Variants in MTFR1 observed in about 807,000 individuals in gnomAD.
MTFR1 encodes the protein mitochondrial fission regulator 1.
MTFR1 carries 28 observed loss-of-function variants against 38.8 expected under a neutral mutation model. The observed-to-expected ratio is 0.72, with a 90% CI of 0.53 to 0.99. The LOEUF is 0.99. Among genes scored for constraint, MTFR1 ranks in the 50% least tolerant of loss-of-function variants. The pLI is 0.00. For synonymous variants in MTFR1, 145 were observed against 137.0 expected, an observed-to-expected ratio of 1.06 and a Z score of -0.41; for missense variants, 358 against 395.5, an observed-to-expected ratio of 0.91 and a Z score of 0.81.
chr8:65,775,026 T>C (rs951735707), downstream of MTFR1, among the ~76,000 whole-genome samples: 1 of 152,250 alleles, frequency 6.6e-6, no homozygotes, highest in East Asian at 1.9e-4. Flanking sequence ...TCAGTTCTGA[T>C]AAACTGTAAT....
chr8:65,712,499 G>A (rs1383802381), downstream of MTFR1, among the ~76,000 whole-genome samples: 1 of 152,230 alleles, frequency 6.6e-6, no homozygotes, highest in Non-Finnish European at 1.5e-5. Flanking sequence ...TTGTATCCAT[G>A]TGTTTATATA....
intron 3 of MTFR1, among the ~76,000 whole-genome samples, chr8:65,748,229 G>A (rs181987541): frequency 9.2e-5 from 14 of 152,148 alleles, no homozygotes; most frequent in Admixed American, 9.2e-4. Flanking sequence ...AGTTACATAT[G>A]AGATTTTAAC....
chr8:65,697,617 A>G (rs529383369), intron 4 of MTFR1, among the ~76,000 whole-genome samples: 1 of 152,342 alleles, frequency 6.6e-6, no homozygotes, highest in South Asian at 2.1e-4. Context: ...GTGACTGACT[A>G]TAAGTTTTCA....
rs1805738279 is a variant in MTFR1 at position 65,704,946 on chromosome 8, T to C, written c.517+17T>C. ...TCACTGCAGGTCTGTAAGTCCTACA[T>C]TTGTTAGTTTTAACTTGCAAACTAG... On this transcript the variant is annotated intron_variant, in intron 5 of 7. Transcript: ENST00000262146. 1.3e-6 allele frequency: 2 copies of C among 1,548,640 alleles called. No individual in the cohort carries two copies. The highest frequency in any genetic ancestry group is 3.3e-4 in the Middle Eastern group (2 of 5,980).
chr8:65,658,097 CTTCTTA>C (rs1217592064), intron 1 of MTFR1, among the ~76,000 whole-genome samples: 1 of 146,502 alleles, frequency 6.8e-6, no homozygotes, highest in Admixed American at 6.8e-5. Context: ...TTCTATTAAT[CTTCTTA>C]TTTTCCCCAA....
At chr8:65,661,047 A>G (rs994370196) in intron 1 of MTFR1, among the ~76,000 whole-genome samples, 1 of 152,248 alleles carries the variant, frequency 6.6e-6, no homozygotes, top group Non-Finnish European at 1.5e-5. Context: ...AAAGGATCAG[A>G]GATGCCAGGG....
chr8:65,773,501 C>T (rs1387320141), downstream of MTFR1, among the ~76,000 whole-genome samples: 1 of 152,218 alleles, frequency 6.6e-6, no homozygotes, highest in Non-Finnish European at 1.5e-5. Context: ...GCTTCCACAT[C>T]ACTGGATCAG....
intron 3 of MTFR1, among the ~76,000 whole-genome samples, chr8:65,769,857 T>C (rs1027916883): frequency 2.0e-5 from 3 of 151,960 alleles, no homozygotes; most frequent in South Asian, 2.1e-4. Flanking sequence ...GATTGTGCCA[T>C]TGCACTCCAG....
intron 1 of MTFR1, among the ~76,000 whole-genome samples, chr8:65,649,468 G>A (rs1358140668): frequency 4.6e-5 from 7 of 152,100 alleles, no homozygotes; most frequent in Admixed American, 3.3e-4. Flanking sequence ...ACAGGTGTGA[G>A]CCACCGCGCC....
chr8:65,678,850 A>C (rs1343120239), intron 2 of MTFR1, among the ~76,000 whole-genome samples: 2 of 152,076 alleles, frequency 1.3e-5, no homozygotes, highest in Non-Finnish European at 2.9e-5. Context: ...GCACCACTGC[A>C]CTCCAGCCTG....
chr8:65,680,323 T>A (rs80101118), intron 2 of MTFR1, among the ~76,000 whole-genome samples: 6,164 of 152,120 alleles, frequency 0.041, 429 homozygotes, highest in African/African-American at 0.14. Flanking sequence ...TCACCACCCC[T>A]GGCTAAGTTT....
intron 1 of MTFR1, among the ~76,000 whole-genome samples, chr8:65,661,432 T>C (rs1809410936): frequency 6.6e-6 from 1 of 151,690 alleles, no homozygotes; most frequent in Non-Finnish European, 1.5e-5. Flanking sequence ...AGGCCAGGAG[T>C]TCCTGACCAG....
intron 3 of MTFR1, among the ~76,000 whole-genome samples, chr8:65,730,684 TTGCAGG>T (rs1356021197): frequency 1.3e-5 from 2 of 152,018 alleles, no homozygotes; most frequent in Non-Finnish European, 2.9e-5. Flanking sequence ...TTCCAGCACT[TTGCAGG>T]GCCAAGGCAG....
chr8:65,654,081 AAG>A, intron 1 of MTFR1, among the ~76,000 whole-genome samples: 1 of 151,650 alleles, frequency 6.6e-6, no homozygotes, highest in South Asian at 2.1e-4. Context: ...AAAAAAAAAA[AAG>A]GAAAATCACA....
chr8:65,705,021 G>A, intron 5 of MTFR1, 92 bp downstream of exon 5: 2 of 1,137,548 alleles, frequency 1.8e-6, no homozygotes, highest in Non-Finnish European at 2.5e-6. Context: ...ACAGCTATTG[G>A]GGTTCTTAGA....
rs565093951 is a variant in MTFR1, at chr8:65,677,020, A to AG, written c.67-5332dup. 2.2e-4 allele frequency among the ~76,000 whole-genome samples: 34 copies of AG among 152,004 alleles called. No individual in the cohort carries two copies. The South Asian group carries it at 7.1e-3, about 32-fold the overall frequency. On this transcript the variant is annotated intron_variant, in intron 2 of 7. Transcript: ENST00000262146. Reference sequence around the variant, plus strand: ...GATTCACTGTTAGATTATTTAAAAAAGCAGTTTTCATAGATAAAGCATGGT... The same window carrying AG: ...GATTCACTGTTAGATTATTTAAAAAAGGCAGTTTTCATAGATAAAGCATGGT...
chr8:65,648,199 A>G (rs1223818019), intron 1 of MTFR1, among the ~76,000 whole-genome samples: 1 of 152,004 alleles, frequency 6.6e-6, no homozygotes, highest in Non-Finnish European at 1.5e-5. Flanking sequence ...TCTATTTTTT[A>G]GTAGAGACGG....
At chr8:65,684,712 C>T (rs889747696) in intron 3 of MTFR1, among the ~76,000 whole-genome samples, 8 of 151,398 alleles carry the variant, frequency 5.3e-5, no homozygotes, top group Admixed American at 2.6e-4. Context: ...AATTCAACAT[C>T]GGTGTTAAAG....
At chr8:65,744,815 C>A (rs12677891) in intron 3 of MTFR1, among the ~76,000 whole-genome samples, 26,701 of 152,148 alleles carry the variant, frequency 0.18, 3,073 homozygotes, top group East Asian at 0.51. Context: ...GATGATGATA[C>A]TAATGATGAT....
Sources: gnomAD v4.1 joint callset for allele counts (sites outside exome capture counted in the v4.1 genomes callset) on GRCh38, gnomAD v4.1.1 for gene constraint, MANE v1.5 for transcripts, NCBI Gene and HGNC (gene_info 2026-07-23, HGNC 2026-07-21) for gene names.